Variants in IARS1 observed in about 807,000 individuals in gnomAD.
The protein encoded by IARS1 is isoleucine--tRNA ligase, cytoplasmic.
Under a neutral mutation model 168.2 loss-of-function variants are expected in IARS1, and 124 were observed. The observed-to-expected ratio is 0.74, with a 90% CI of 0.64 to 0.86. The LOEUF is 0.86. Among genes scored for constraint, IARS1 ranks in the 40% least tolerant of loss-of-function variants. The pLI, the probability that IARS1 is intolerant of heterozygous loss-of-function variation, is 0.00. For missense variants in IARS1, 1,452 were observed against 1,515.8 expected (o/e 0.96, Z 0.70); for synonymous variants, 532 against 529.4 (o/e 1.00, Z -0.07).
At chr9:92,213,755 G>A (rs1838156517) in intron 33 of IARS1, among the ~76,000 whole-genome samples, 1 of 152,158 alleles carries the variant, frequency 6.6e-6, no homozygotes, top group Non-Finnish European at 1.5e-5. Flanking sequence ...TTTGGAGTAG[G>A]GATAGACAGA....
At chr9:92,263,195 T>C (rs112661421) in intron 16 of IARS1, 140 bp from the exon 17 acceptor site, 3 of 621,804 alleles carry the variant, frequency 4.8e-6, no homozygotes, top group African/African-American at 1.8e-5. Context: ...TTCTTAATCC[T>C]GGTTACTGGA....
chr9:92,289,477 C>CA (rs1835979293), intron 1 of IARS1, 51 bp from the exon 2 acceptor site: 2 of 816,562 alleles, frequency 2.4e-6, no homozygotes, highest in Non-Finnish European at 4.3e-6. Context: ...CTAGGAATAA[C>CA]AGAGTACCAT....
At chr9:92,269,675 C>T (rs562309624) in intron 13 of IARS1, among the ~76,000 whole-genome samples, 22 of 152,244 alleles carry the variant, frequency 1.4e-4, no homozygotes, top group Middle Eastern at 3.4e-3. Context: ...AAAAATACTC[C>T]CTTACATACT....
intron 30 of IARS1, among the ~76,000 whole-genome samples, chr9:92,233,740 C>G (rs773265536): frequency 6.6e-6 from 1 of 151,976 alleles, no homozygotes; most frequent in Non-Finnish European, 1.5e-5. Flanking sequence ...TATACAAGTC[C>G]CAACATGTTT....
At chr9:92,219,944 T>C (rs1839400411) in intron 33 of IARS1, among the ~76,000 whole-genome samples, 2 of 151,844 alleles carry the variant, frequency 1.3e-5, no homozygotes, top group African/African-American at 2.4e-5. Context: ...CTATAAATCA[T>C]GCTGCTATAA....
chr9:92,263,036 G>A lies in IARS1; in HGVS notation c.1720C>T (p.Leu574=). 1 of 1,613,818 alleles carries A rather than the reference G, an allele frequency of 6.2e-7. No homozygotes were observed. The highest frequency in any genetic ancestry group is 8.5e-7 in the Non-Finnish European group (1 of 1,179,796). Residue 574 remains leucine, a synonymous_variant, in exon 17 of 34, where the codon CTG becomes TTG. Transcript: ENST00000443024. ...TRGWFYTLLV[L]ATALFGQPPF... is the part of the protein sequence containing the mutation. ...GGTTGTCCAAAGAGGGCCGTGGCCAGCACCAGCAGGGTATAAAACCTGAAA... is the reference window on the plus strand; with the variant it reads ...GGTTGTCCAAAGAGGGCCGTGGCCAACACCAGCAGGGTATAAAACCTGAAA...
At chr9:92,276,047 G>A (rs546500401) in intron 9 of IARS1, among the ~76,000 whole-genome samples, 1 of 152,292 alleles carries the variant, frequency 6.6e-6, no homozygotes, top group Non-Finnish European at 1.5e-5. Flanking sequence ...ATTCAGAAAG[G>A]TGAGAGTCAC....
chr9:92,230,452 G>A (rs1242585621), intron 30 of IARS1, among the ~76,000 whole-genome samples: 3 of 152,148 alleles, frequency 2.0e-5, no homozygotes, highest in African/African-American at 7.2e-5. Flanking sequence ...ATAAGTTACT[G>A]TGCTGATAGT....
intron 10 of IARS1, among the ~76,000 whole-genome samples, chr9:92,273,835 G>C (rs1833429576): frequency 6.6e-6 from 1 of 152,208 alleles, no homozygotes; most frequent in Non-Finnish European, 1.5e-5. Flanking sequence ...TGTGTATGTA[G>C]GTGCTACACC....
At chr9:92,247,947 G>A (rs1223330943) in intron 25 of IARS1, among the ~76,000 whole-genome samples, 1 of 152,204 alleles carries the variant, frequency 6.6e-6, no homozygotes, top group Non-Finnish European at 1.5e-5. Flanking sequence ...ATGAATACTG[G>A]CTTTCTTTCT....
At chr9:92,261,109 G>C (rs1831462958) in intron 17 of IARS1, among the ~76,000 whole-genome samples, 1 of 152,134 alleles carries the variant, frequency 6.6e-6, no homozygotes, top group Non-Finnish European at 1.5e-5. Context: ...AGGAGCTCGA[G>C]ACCAGCCTGT....
chr9:92,288,035 C>A (rs1835724997), intron 3 of IARS1, 91 bp downstream of exon 3: 14 of 1,504,306 alleles, frequency 9.3e-6, no homozygotes, highest in African/African-American at 1.4e-5. Flanking sequence ...GTCTGACAGT[C>A]AACGTTCATC....
At chr9:92,216,931 C>T (rs960675476) in intron 33 of IARS1, among the ~76,000 whole-genome samples, 4 of 151,298 alleles carry the variant, frequency 2.6e-5, no homozygotes, top group African/African-American at 9.7e-5. Context: ...ACCTAGTAGA[C>T]ATCTACAGAA....
intron 31 of IARS1, among the ~76,000 whole-genome samples, chr9:92,224,352 G>A (rs1045180702): frequency 3.9e-5 from 6 of 152,214 alleles, no homozygotes; most frequent in Middle Eastern, 3.4e-3. Flanking sequence ...CAGTGCAGCC[G>A]GCTGGTCATT....
intron 31 of IARS1, among the ~76,000 whole-genome samples, chr9:92,228,707 C>A (rs937333592): frequency 6.6e-6 from 1 of 152,110 alleles, no homozygotes; most frequent in East Asian, 1.9e-4. Flanking sequence ...GAGTGAGACC[C>A]TGTCTCAAAA....
intron 25 of IARS1, among the ~76,000 whole-genome samples, chr9:92,248,639 C>T (rs1237674477): frequency 1.7e-5 from 2 of 118,346 alleles, no homozygotes; most frequent in Admixed American, 1.2e-4. Flanking sequence ...GGTGACAGAG[C>T]GAGACCCTGT....
intron 18 of IARS1, 32 bp downstream of exon 18, chr9:92,260,119 A>G: frequency 7.0e-7 from 1 of 1,437,428 alleles, no homozygotes. Flanking sequence ...AAAAAACAAT[A>G]GATACACACA....
chr9:92,210,683 C>A lies in IARS1; in HGVS notation c.*124G>T, dbSNP rs953453768. On this transcript the variant is annotated 3_prime_UTR_variant, in exon 34 of 34. Coordinates refer to ENST00000443024, the MANE Select transcript of IARS1 (RefSeq NM_002161.6). ...CCCATTTGAATTTCAATCCAAGCAG[C>A]ATATTTTACACACACCTGAAGGAAA... 1.7e-5 allele frequency: 11 copies of A among 640,192 alleles called. No homozygotes were observed. The East Asian group carries it at 2.6e-4, about 15-fold the overall frequency. 39.7% of individuals were successfully genotyped at this position (640,192 alleles called of 1,614,324 possible). A position where few individuals can be genotyped will look rare whatever the true frequency, so the allele number is the denominator to read the frequency against.
chr9:92,219,582 A>G (rs1375339052), intron 33 of IARS1, among the ~76,000 whole-genome samples: 1 of 151,698 alleles, frequency 6.6e-6, no homozygotes, highest in Non-Finnish European at 1.5e-5. Flanking sequence ...GAAAAAACAA[A>G]CAACCCCATC....
Sources: gnomAD v4.1 joint callset for allele counts (sites outside exome capture counted in the v4.1 genomes callset) on GRCh38, gnomAD v4.1.1 for gene constraint, MANE v1.5 for transcripts, NCBI Gene and HGNC (gene_info 2026-07-23, HGNC 2026-07-21) for gene names.